Variants in CCDC91 observed in about 807,000 individuals in gnomAD.
CCDC91 encodes coiled-coil domain containing 91.
Under a neutral mutation model 63.2 loss-of-function variants are expected in CCDC91, and 48 were observed. The ratio of observed to expected loss-of-function variants is 0.76; its 90% CI spans 0.60 to 0.97. The LOEUF (loss-of-function observed/expected upper bound fraction) is 0.97, where lower values mean the gene tolerates loss of function less well. CCDC91 is among the 50% of genes least tolerant of loss of function. The pLI is 0.00. For synonymous variants in CCDC91, 167 were observed against 165.8 expected, an observed-to-expected ratio of 1.01 and a Z score of -0.06; for missense variants, 500 against 494.6, an observed-to-expected ratio of 1.01 and a Z score of -0.10.
chr12:28,350,494 A>G (rs1189828660), intron 6 of CCDC91, among the ~76,000 whole-genome samples: 1 of 152,250 alleles, frequency 6.6e-6, no homozygotes, highest in Non-Finnish European at 1.5e-5. Flanking sequence ...TACACTGGAC[A>G]AAGTAGAAGT....
At chr12:28,500,410 T>A (rs1487432712) in intron 12 of CCDC91, among the ~76,000 whole-genome samples, 4 of 152,160 alleles carry the variant, frequency 2.6e-5, no homozygotes, top group Admixed American at 1.3e-4. Context: ...AGTCATGAAG[T>A]CTTTGTCCAT....
intron 12 of CCDC91, among the ~76,000 whole-genome samples, chr12:28,524,897 G>C (rs916802240): frequency 3.9e-5 from 6 of 152,106 alleles, no homozygotes; most frequent in Non-Finnish European, 8.8e-5. Flanking sequence ...GGTGTTCATA[G>C]TAGCTTTGAA....
rs544273987 is a variant in CCDC91, at chr12:28,214,980, A to G, written c.-15+24339A>G. 2.0e-5 allele frequency among the ~76,000 whole-genome samples: 3 copies of G among 152,288 alleles called. No homozygotes were observed. In the South Asian group the frequency reaches 6.2e-4, roughly 32 times the overall value. On this transcript the variant is annotated intron_variant, in intron 1 of 12. Transcript: ENST00000536442. ...TTATTCTAGGTATGTCTTTGAGAGT[A>G]TTTTTGGATATTAACATTTGAATTG...
At chr12:28,319,411 A>C (rs1451846646) in intron 6 of CCDC91, 1 of 151,960 alleles carries the variant, frequency 6.6e-6, no homozygotes. Flanking sequence ...TGTCAGCAGT[A>C]ATTCCGCCTT....
chr12:28,283,734 C>A (rs1166675648), intron 3 of CCDC91, among the ~76,000 whole-genome samples: 1 of 152,052 alleles, frequency 6.6e-6, no homozygotes, highest in Admixed American at 6.6e-5. Flanking sequence ...TACATATAGC[C>A]TGAATGTAAT....
At chr12:28,468,045 A>T (rs1329345500) in intron 11 of CCDC91, among the ~76,000 whole-genome samples, 2 of 152,056 alleles carry the variant, frequency 1.3e-5, no homozygotes, top group African/African-American at 4.8e-5. Context: ...GGGGGAGCAA[A>T]CCAAACTCAA....
At chr12:28,249,846 C>T (rs1424490854) in intron 1 of CCDC91, among the ~76,000 whole-genome samples, 1 of 151,866 alleles carries the variant, frequency 6.6e-6, no homozygotes. Flanking sequence ...GTATATCTTA[C>T]CTTTAGCATT....
At chr12:28,547,196 A>G (rs182733181) in intron 12 of CCDC91, among the ~76,000 whole-genome samples, 2 of 152,124 alleles carry the variant, frequency 1.3e-5, no homozygotes, top group Non-Finnish European at 2.9e-5. Flanking sequence ...ACTGGAACTG[A>G]GTATTGGTAT....
intron 12 of CCDC91, among the ~76,000 whole-genome samples, chr12:28,520,517 A>G (rs1370808705): frequency 6.6e-6 from 1 of 152,110 alleles, no homozygotes; most frequent in Non-Finnish European, 1.5e-5. Context: ...CCCATTCTGT[A>G]GGTTGCCTGT....
intron 11 of CCDC91, among the ~76,000 whole-genome samples, chr12:28,468,554 A>G (rs1367388512): frequency 1.3e-5 from 2 of 152,054 alleles, no homozygotes; most frequent in African/African-American, 4.8e-5. Context: ...AACTATTCCA[A>G]TTAATAGATG....
At chr12:28,487,713 T>C (rs753847448) in intron 12 of CCDC91, among the ~76,000 whole-genome samples, 1 of 151,728 alleles carries the variant, frequency 6.6e-6, no homozygotes, top group Non-Finnish European at 1.5e-5. Flanking sequence ...AAAAGCCCGA[T>C]AGACCTTGTT....
intron 11 of CCDC91, among the ~76,000 whole-genome samples, chr12:28,464,631 C>T (rs1592747950): frequency 6.6e-6 from 1 of 152,138 alleles, no homozygotes; most frequent in Non-Finnish European, 1.5e-5. Context: ...GGACCCAGTC[C>T]TGACAGGATT....
At chr12:28,318,458 T>C (rs1240851316) in intron 6 of CCDC91, among the ~76,000 whole-genome samples, 1 of 151,950 alleles carries the variant, frequency 6.6e-6, no homozygotes, top group Non-Finnish European at 1.5e-5. Context: ...AAAGGATTGC[T>C]TAAGCCCAGG....
chr12:28,267,952 TA>T lies in CCDC91; in HGVS notation c.109+8511del, dbSNP rs571955925. Among the ~76,000 whole-genome samples, 521 of 102,922 alleles carry T rather than the reference TA, an allele frequency of 5.1e-3. 3 individuals are homozygous for T. The highest frequency in any genetic ancestry group is 0.019 in the African/African-American group (502 of 26,832). 67.5% of individuals were successfully genotyped at this position (102,922 alleles called of 152,430 possible). A position where few individuals can be genotyped will look rare whatever the true frequency, so the allele number is the denominator to read the frequency against. On this transcript the variant is annotated intron_variant, in intron 3 of 12. Transcript: ENST00000536442. ...TATATATAATTATATATAATTATTA[TA>T]TATAATTATATATAATTAATATATA...
At chr12:28,433,361 T>A (rs1364166501) in intron 8 of CCDC91, among the ~76,000 whole-genome samples, 2 of 152,018 alleles carry the variant, frequency 1.3e-5, no homozygotes, top group Non-Finnish European at 2.9e-5. Context: ...TTGTGTTTTA[T>A]GTTTAGGTCT....
chr12:28,241,901 C>T (rs1299370032), intron 1 of CCDC91, among the ~76,000 whole-genome samples: 4 of 146,028 alleles, frequency 2.7e-5, no homozygotes, highest in African/African-American at 1.0e-4. Context: ...GAGGTTGAGG[C>T]AGGAGAATTG....
At chr12:28,317,405 ATTAG>A (rs1454624456) in intron 6 of CCDC91, among the ~76,000 whole-genome samples, 3 of 151,990 alleles carry the variant, frequency 2.0e-5, no homozygotes, top group Non-Finnish European at 4.4e-5. Flanking sequence ...TTTTTATGGA[ATTAG>A]TTAGTAGATT....
At chr12:28,526,646 A>G (rs1355524193) in intron 12 of CCDC91, among the ~76,000 whole-genome samples, 1 of 152,100 alleles carries the variant, frequency 6.6e-6, no homozygotes, top group African/African-American at 2.4e-5. Context: ...TTGGATGTCT[A>G]GGTTTCTAGC....
intron 12 of CCDC91, among the ~76,000 whole-genome samples, chr12:28,546,891 A>G (rs17527232): frequency 0.025 from 3,761 of 152,198 alleles, 68 homozygotes; most frequent in Non-Finnish European, 0.037. Flanking sequence ...ACATCTTTTG[A>G]AGGGTGTGCA....
Sources: gnomAD v4.1 joint callset for allele counts (sites outside exome capture counted in the v4.1 genomes callset) on GRCh38, gnomAD v4.1.1 for gene constraint, MANE v1.5 for transcripts, NCBI Gene and HGNC (gene_info 2026-07-23, HGNC 2026-07-21) for gene names.